PPP2R3A: variants seen among roughly 807,000 people sequenced by gnomAD.
PPP2R3A encodes serine/threonine-protein phosphatase 2A regulatory subunit B'' subunit alpha.
A neutral mutation model predicts 106.9 loss-of-function variants in PPP2R3A; 80 were observed. The ratio of observed to expected loss-of-function variants is 0.75; its 90% CI spans 0.62 to 0.90. The LOEUF is 0.90. Ranked by LOEUF, PPP2R3A falls within the 40% of genes least tolerant of loss-of-function variation. PPP2R3A has a pLI of 0.00. For missense variants in PPP2R3A, 1,386 were observed against 1,350.4 expected (o/e 1.03, Z -0.41); for synonymous variants, 483 against 468.3 (o/e 1.03, Z -0.41).
Position 136,102,199 on chromosome 3 carries a change from G to A in PPP2R3A, c.3103+17G>A. On this transcript the variant is annotated intron_variant, in intron 11 of 13. Transcript: ENST00000264977. ...CTGTTGATGGTGAGACCAAGCAATG[G>A]GACAGATGCACTGTTCACCTATGTA... 1 of 1,611,680 alleles carries A rather than the reference G, an allele frequency of 6.2e-7. No homozygotes were observed. The highest frequency in any genetic ancestry group is 8.5e-7 in the Non-Finnish European group (1 of 1,179,422).
chr3:136,119,289 C>T (rs1937901588), intron 13 of PPP2R3A, among the ~76,000 whole-genome samples: 1 of 152,196 alleles, frequency 6.6e-6, no homozygotes, highest in African/African-American at 2.4e-5. Flanking sequence ...CTAGGCAGTA[C>T]CATTCAAGAC....
chr3:136,052,843 C>A (rs554471907), intron 5 of PPP2R3A, among the ~76,000 whole-genome samples: 1 of 152,212 alleles, frequency 6.6e-6, no homozygotes, highest in African/African-American at 2.4e-5. Flanking sequence ...CCATTCTTTC[C>A]CAAGCCCTTC....
chr3:136,111,731 G>A (rs1416237358), intron 13 of PPP2R3A, among the ~76,000 whole-genome samples: 1 of 151,314 alleles, frequency 6.6e-6, no homozygotes, highest in East Asian at 1.9e-4. Context: ...GTATAAAGAA[G>A]AGCTGGTACC....
chr3:136,103,196 T>G, intron 11 of PPP2R3A, 62 bp from the exon 12 acceptor site: 1 of 1,118,338 alleles, frequency 8.9e-7, no homozygotes, highest in Non-Finnish European at 1.3e-6. Context: ...TCAGGGAAAG[T>G]TTTTTCCTCT....
intron 2 of PPP2R3A, among the ~76,000 whole-genome samples, chr3:136,010,382 C>T (rs1447063619): frequency 7.0e-6 from 1 of 143,160 alleles, no homozygotes; most frequent in African/African-American, 2.7e-5. Context: ...TCCCGAGCAG[C>T]TGGGACTACA....
intron 13 of PPP2R3A, among the ~76,000 whole-genome samples, chr3:136,133,818 T>TCCACC (rs950859822): frequency 1.8e-4 from 26 of 147,000 alleles, no homozygotes; most frequent in Non-Finnish European, 4.5e-5. Flanking sequence ...TTTATAACAT[T>TCCACC]CCACCATATG....
intron 3 of PPP2R3A, 25 bp from the exon 4 acceptor site, chr3:136,040,834 C>T (rs1409648692): frequency 6.3e-7 from 1 of 1,589,706 alleles, no homozygotes; most frequent in Non-Finnish European, 8.6e-7. Context: ...TGTTGGCTTA[C>T]CCTGTATGTG....
At chr3:136,038,378 T>G (rs1434622121) in intron 3 of PPP2R3A, among the ~76,000 whole-genome samples, 1 of 152,210 alleles carries the variant, frequency 6.6e-6, no homozygotes, top group Non-Finnish European at 1.5e-5. Context: ...CTTCAGAGAC[T>G]TAATCCTCCT....
At chr3:136,075,345 G>T (rs1011840632) in intron 6 of PPP2R3A, among the ~76,000 whole-genome samples, 2 of 152,078 alleles carry the variant, frequency 1.3e-5, no homozygotes, top group Non-Finnish European at 2.9e-5. Flanking sequence ...TATTTACCTA[G>T]AAGAGAGCAG....
intron 5 of PPP2R3A, among the ~76,000 whole-genome samples, chr3:136,062,706 A>G (rs1406427399): frequency 3.0e-5 from 4 of 133,730 alleles, no homozygotes; most frequent in Admixed American, 7.4e-5. Context: ...TGACAGAGTG[A>G]GACTCCATCT....
chr3:135,980,789 C>T (rs745525114), intron 1 of PPP2R3A, among the ~76,000 whole-genome samples: 4 of 151,902 alleles, frequency 2.6e-5, no homozygotes, highest in Non-Finnish European at 5.9e-5. Context: ...CTCAGTTCAG[C>T]TAGCTTGGTA....
intron 9 of PPP2R3A, among the ~76,000 whole-genome samples, chr3:136,088,346 G>A (rs1398081311): frequency 2.6e-5 from 4 of 152,132 alleles, no homozygotes; most frequent in South Asian, 4.1e-4. Context: ...GAGAACATAC[G>A]GTATTTGGTT....
At chr3:136,142,459 C>T (rs1938916944) in intron 13 of PPP2R3A, among the ~76,000 whole-genome samples, 1 of 152,116 alleles carries the variant, frequency 6.6e-6, no homozygotes, top group African/African-American at 2.4e-5. Flanking sequence ...GAATGAACTT[C>T]CTTTTGCAAA....
intron 3 of PPP2R3A, among the ~76,000 whole-genome samples, chr3:136,029,089 G>C (rs1934769378): frequency 6.6e-6 from 1 of 152,084 alleles, no homozygotes; most frequent in Non-Finnish European, 1.5e-5. Context: ...CCGACCTCAG[G>C]TTATCCGCCC....
chr3:136,112,013 C>T (rs573748436), intron 13 of PPP2R3A, among the ~76,000 whole-genome samples: 16 of 152,220 alleles, frequency 1.1e-4, no homozygotes, highest in African/African-American at 3.6e-4. Context: ...AAATGCAATT[C>T]GTCACATGAA....
chr3:136,146,073 ACTAG>A lies in PPP2R3A; in HGVS notation c.*911_*914del, dbSNP rs1190416361. On this transcript the variant is annotated 3_prime_UTR_variant, in exon 14 of 14. Coordinates refer to ENST00000264977, the MANE Select transcript of PPP2R3A (RefSeq NM_002718.5). Reference sequence around the variant, plus strand: ...TATTCCTTCCTCCCAGGAGTATTAGACTAGCTAATAGTAAAGGCCTCAACGTTAT... The same window carrying A: ...TATTCCTTCCTCCCAGGAGTATTAGACTAATAGTAAAGGCCTCAACGTTAT... The A allele has an allele frequency of 5.9e-5, 9 of 152,188 alleles. No homozygotes were observed. Among genetic ancestry groups the A allele is most frequent in the African/African-American group, 2.2e-4 (9 of 41,444 alleles). The allele number at this position is 152,188 out of a possible 1,614,324, so 9.4% of individuals were successfully genotyped here.
At chr3:135,966,186 T>C (rs929584499) in intron 1 of PPP2R3A, among the ~76,000 whole-genome samples, 2 of 152,140 alleles carry the variant, frequency 1.3e-5, no homozygotes, top group Non-Finnish European at 2.9e-5. Flanking sequence ...TCAGGGCTCC[T>C]GGGCCAGTTC....
chr3:136,121,321 T>C (rs1937987076), intron 13 of PPP2R3A, among the ~76,000 whole-genome samples: 1 of 152,068 alleles, frequency 6.6e-6, no homozygotes, highest in Non-Finnish European at 1.5e-5. Context: ...CCTAAGCAAA[T>C]TAAAGCAGGA....
chr3:136,030,929 A>G (rs1452541668), intron 3 of PPP2R3A, among the ~76,000 whole-genome samples: 1 of 152,014 alleles, frequency 6.6e-6, no homozygotes, highest in African/African-American at 2.4e-5. Context: ...TGCTATAAAC[A>G]TGCATGTACA....
Sources: gnomAD v4.1 joint callset for allele counts (sites outside exome capture counted in the v4.1 genomes callset) on GRCh38, gnomAD v4.1.1 for gene constraint, MANE v1.5 for transcripts, NCBI Gene and HGNC (gene_info 2026-07-23, HGNC 2026-07-21) for gene names.